Variants in RIBC2 observed in about 807,000 individuals in gnomAD.
RIBC2 encodes RIB43A-like with coiled-coils protein 2.
In RIBC2, 40 loss-of-function variants were observed where a neutral mutation model predicts 44.3. That is an observed-to-expected ratio of 0.90 (90% CI 0.70 to 1.18). The LOEUF is 1.18. RIBC2 is among the 50% of genes most tolerant of loss of function. RIBC2 has a pLI of 0.00. For synonymous variants in RIBC2, 171 were observed against 175.0 expected (o/e 0.98, Z 0.18); for missense variants, 459 against 485.5 (o/e 0.95, Z 0.51).
intron 2 of RIBC2, 57 bp from the exon 3 acceptor site, chr22:45,417,545 T>A: frequency 7.8e-7 from 1 of 1,286,304 alleles, no homozygotes; most frequent in Non-Finnish European, 1.0e-6. Context: ...TAAAATGGAT[T>A]CAAATTTATT....
intron 6 of RIBC2, among the ~76,000 whole-genome samples, chr22:45,431,611 C>T (rs1171666724): frequency 3.3e-5 from 5 of 152,216 alleles, no homozygotes; most frequent in South Asian, 2.1e-4. Flanking sequence ...TTCTCCAATC[C>T]GATATCTGGT....
chr22:45,426,223 G>C, intron 5 of RIBC2, 48 bp downstream of exon 5: 7 of 1,497,374 alleles, frequency 4.7e-6, no homozygotes, highest in Non-Finnish European at 6.4e-6. Context: ...CAGGCTCTTT[G>C]CTCCCACTGC....
At chr22:45,424,578 C>A (rs530588854) in intron 4 of RIBC2, among the ~76,000 whole-genome samples, 1 of 152,152 alleles carries the variant, frequency 6.6e-6, no homozygotes, top group Non-Finnish European at 1.5e-5. Flanking sequence ...GCTCCCTGCC[C>A]GCCATGGACA....
chr22:45,413,767 C>T lies in RIBC2; in HGVS notation c.-120C>T. On this transcript the variant is annotated 5_prime_UTR_variant, in exon 1 of 7. Coordinates refer to ENST00000614167, the MANE Select transcript of RIBC2 (RefSeq NM_015653.5). ...ACTGGGAGCCCGACGGAAAACTGCG[C>T]TAAAGGCTTGTCTTTCCCCTGCCCG... The T allele has an allele frequency of 7.2e-7, 1 of 1,392,250 alleles. No individual in the cohort carries two copies. The highest frequency in any genetic ancestry group is 1.5e-5 in the South Asian group (1 of 67,836). The allele number at this position is 1,392,250 out of a possible 1,614,324, so 86.2% of individuals were successfully genotyped here. A position where few individuals can be genotyped will look rare whatever the true frequency, so the allele number is the denominator to read the frequency against.
chr22:45,426,011 G>A lies in RIBC2; in HGVS notation c.739G>A (p.Glu247Lys), dbSNP rs372341222. The change falls in exon 5 of 7, where the codon GAG becomes AAG. Residue 247 changes from glutamate to lysine, a missense_variant. Transcript: ENST00000614167. ...GCAAGAACAAGAGGACAACTTGGCC[G>A]AGATCACCAACCTCCTGCGTGGGGA... Reference protein sequence around the residue: ...KKQEQEDNLAEITNLLRGDLL... With the variant: ...KKQEQEDNLAKITNLLRGDLL... The A allele has an allele frequency of 1.7e-5, 28 of 1,613,944 alleles. No individual in the cohort carries two copies. Among genetic ancestry groups the A allele is most frequent in the Admixed American group, 1.2e-4 (7 of 59,980 alleles).
rs750954073 is a variant in RIBC2, at chr22:45,424,352, CAG to C, written c.676-1595_676-1594del. Among the ~76,000 whole-genome samples the C allele has an allele frequency of 3.3e-5, 5 of 151,012 alleles. 1 individual carries two copies. The highest frequency in any genetic ancestry group is 2.9e-5 in the Non-Finnish European group (2 of 67,946). On this transcript the variant is annotated intron_variant, in intron 4 of 6. Transcript: ENST00000614167. ...TTTCGTCAGAGAGGCATTGTGGCATCAGGGTGTGGCACGCAGGCTCTGGAGCC... is the reference window on the plus strand; with the variant it reads ...TTTCGTCAGAGAGGCATTGTGGCATCGGTGTGGCACGCAGGCTCTGGAGCC...
chr22:45,431,168 G>A (rs575922328), intron 6 of RIBC2, 102 bp downstream of exon 6: 197 of 1,353,144 alleles, frequency 1.5e-4, no homozygotes, highest in Middle Eastern at 7.2e-4. Context: ...GAAACACCCC[G>A]CCCTGGTGGT....
At chr22:45,428,324 G>A (rs576960980) in intron 5 of RIBC2, among the ~76,000 whole-genome samples, 1 of 152,374 alleles carries the variant, frequency 6.6e-6, no homozygotes. Context: ...TGTAAAGGGT[G>A]CAGAGAAATG....
chr22:45,418,034 A>T, intron 3 of RIBC2, 88 bp downstream of exon 3: 1 of 842,420 alleles, frequency 1.2e-6, no homozygotes, highest in Non-Finnish European at 1.7e-6. Flanking sequence ...GCAACCCTAC[A>T]GTTTTTTTTT....
At chr22:45,424,256 G>A (rs1206259612) in intron 4 of RIBC2, among the ~76,000 whole-genome samples, 1 of 152,176 alleles carries the variant, frequency 6.6e-6, no homozygotes, top group Non-Finnish European at 1.5e-5. Context: ...TTAATCCAAA[G>A]CCCAAGCAGG....
rs1212956468 is a variant in RIBC2, at chr22:45,414,172, T to C, written c.130-150T>C. On this transcript the variant is annotated intron_variant, in intron 1 of 6. Transcript: ENST00000614167. ...AATAATGCTCCCTCTCGAGCTCGCCTGGAGTCACCAACGGTTCTCCTCCCC... is the reference window on the plus strand; with the variant it reads ...AATAATGCTCCCTCTCGAGCTCGCCCGGAGTCACCAACGGTTCTCCTCCCC... 2.7e-6 allele frequency: 4 copies of C among 1,478,448 alleles called. No individual in the cohort carries two copies. The East Asian group carries it at 7.4e-5, about 27-fold the overall frequency. 91.6% of individuals were successfully genotyped at this position (1,478,448 alleles called of 1,614,324 possible).
At chr22:45,421,594 A>G (rs1418747715) in intron 3 of RIBC2, among the ~76,000 whole-genome samples, 1 of 41,170 alleles carries the variant, frequency 2.4e-5, no homozygotes, top group Admixed American at 2.7e-4. Flanking sequence ...TAATAATAAT[A>G]GTATTATTAA....
intron 4 of RIBC2, 144 bp from the exon 5 acceptor site, chr22:45,425,804 C>A: frequency 1.4e-6 from 1 of 694,466 alleles, no homozygotes; most frequent in Non-Finnish European, 2.5e-6. Flanking sequence ...CACATCCGTG[C>A]CTGACAAGTC....
chr22:45,422,146 C>T, intron 3 of RIBC2, 144 bp from the exon 4 acceptor site: 1 of 683,856 alleles, frequency 1.5e-6, no homozygotes. Flanking sequence ...TCTCCCACAG[C>T]CTTCAGAGGC....
intron 4 of RIBC2, among the ~76,000 whole-genome samples, chr22:45,423,165 T>C (rs1325568175): frequency 1.3e-5 from 2 of 151,972 alleles, no homozygotes; most frequent in Non-Finnish European, 2.9e-5. Flanking sequence ...TATTTTTTTG[T>C]AGACACAGGG....
intron 3 of RIBC2, chr22:45,418,274 G>A (rs1406764172): frequency 5.2e-6 from 1 of 192,002 alleles, no homozygotes; most frequent in Non-Finnish European, 1.1e-5. Flanking sequence ...TGCCCTCCCA[G>A]TCTGCGGGGA....
At chr22:45,427,204 C>T (rs965218062) in intron 5 of RIBC2, among the ~76,000 whole-genome samples, 2 of 152,208 alleles carry the variant, frequency 1.3e-5, no homozygotes, top group Non-Finnish European at 2.9e-5. Flanking sequence ...AGACTAAATC[C>T]TCAGGAAAAC....
chr22:45,427,843 C>G (rs906912901), intron 5 of RIBC2, among the ~76,000 whole-genome samples: 1 of 152,224 alleles, frequency 6.6e-6, no homozygotes, highest in Non-Finnish European at 1.5e-5. Context: ...TCATGTTGGC[C>G]AGGCTGGTCT....
At position 45,425,986 on chromosome 22, in the gene RIBC2, G is replaced by A. The variant is rs1448373518; in HGVS notation, c.714G>A (p.Lys238=). Residue 238 remains lysine (K), a synonymous_variant, in exon 5 of 7, where the codon AAG becomes AAA. Transcript: ENST00000614167. The part of the protein sequence containing the change: ...ESVERKKQEK[K]QEQEDNLAEI... ...TGGAAAGGAAAAAGCAAGAGAAAAAGCAAGAACAAGAGGACAACTTGGCCG... is the reference window on the plus strand; with the variant it reads ...TGGAAAGGAAAAAGCAAGAGAAAAAACAAGAACAAGAGGACAACTTGGCCG... 2.5e-6 allele frequency: 4 copies of A among 1,614,058 alleles called. No individual in the cohort carries two copies. Among genetic ancestry groups the A allele is most frequent in the Non-Finnish European group, 3.4e-6 (4 of 1,180,004 alleles).
Sources: allele counts gnomAD v4.1 joint callset (sites outside exome capture counted in the v4.1 genomes callset), GRCh38; gene constraint gnomAD v4.1.1; transcripts MANE v1.5; gene names NCBI Gene and HGNC (gene_info 2026-07-23, HGNC 2026-07-21).